Variants in DYTN observed in about 807,000 individuals in gnomAD.
The protein encoded by DYTN is dystrotelin.
DYTN carries 75 observed loss-of-function variants against 69.6 expected under a neutral mutation model. The observed-to-expected ratio is 1.08, with a 90% CI of 0.89 to 1.31. The LOEUF is 1.31. DYTN is among the 50% of genes most tolerant of loss of function. The pLI is 0.00. For missense variants in DYTN, 726 were observed against 688.4 expected (o/e 1.05, Z -0.61); for synonymous variants, 252 against 249.1 (o/e 1.01, Z -0.11).
chr2:206,707,840 C>A (rs546140168), intron 2 of DYTN, among the ~76,000 whole-genome samples: 1 of 152,170 alleles, frequency 6.6e-6, no homozygotes, highest in South Asian at 2.1e-4. Context: ...AAAGTTATGA[C>A]ACTGTGGTAA....
Position 206,657,750 on chromosome 2 carries a change from A to G in DYTN, c.1633+5153T>C, listed in dbSNP as rs79557796. 5.2e-3 allele frequency among the ~76,000 whole-genome samples: 786 copies of G among 152,302 alleles called. 4 individuals are homozygous for G. The highest frequency in any genetic ancestry group is 0.021 in the South Asian group (101 of 4,824). ...TATAATCTTATAAGGGTTTCTTTCT[A>G]CATGATAAGTCACTTTTCTCTTGCT... On this transcript the variant is annotated intron_variant, in intron 11 of 11. Coordinates refer to ENST00000452335, the MANE Select transcript of DYTN (RefSeq NM_001093730.1).
rs373859792 is a variant in DYTN, at chr2:206,707,283, G to A, written c.296+19C>T. On this transcript the variant is annotated intron_variant, in intron 3 of 11. Coordinates refer to ENST00000452335, the MANE Select transcript of DYTN (RefSeq NM_001093730.1). The stretch of plus-strand genomic sequence containing the variant: ...TAAACTTTGCCTTTGAGGTCACAGC[G>A]CGACGTCCACACCCTCACCTGTTGT... 54 of 1,606,182 alleles carry A rather than the reference G, an allele frequency of 3.4e-5. No homozygotes were observed. The highest frequency in any genetic ancestry group is 4.5e-5 in the Non-Finnish European group (53 of 1,176,536).
chr2:206,705,769 G>T lies in DYTN; in HGVS notation c.382+19C>A. The T allele has an allele frequency of 6.2e-7, 1 of 1,611,226 alleles. No homozygotes were observed. The highest frequency in any genetic ancestry group is 1.1e-5 in the South Asian group (1 of 90,478). ...GGGCTCACTGCACTTTAGGACACCC[G>T]CAGTCCTCTGCATGTTACCTCGGTA... On this transcript the variant is annotated intron_variant, in intron 4 of 11. Transcript: ENST00000452335.
intron 9 of DYTN, among the ~76,000 whole-genome samples, chr2:206,683,339 CTT>C (rs10531348): frequency 4.4e-4 from 49 of 111,938 alleles, no homozygotes; most frequent in South Asian, 1.7e-3. Context: ...TTTACTTTTT[CTT>C]TTTTTTTTTT....
chr2:206,688,447 A>G (rs1459358787), intron 9 of DYTN, among the ~76,000 whole-genome samples: 1 of 152,214 alleles, frequency 6.6e-6, no homozygotes, highest in African/African-American at 2.4e-5. Context: ...ATAAAAAAAC[A>G]AGACACAAAA....
chr2:206,662,274 A>G lies in DYTN; in HGVS notation c.1633+629T>C, dbSNP rs148401479. ...ATACTGAATGCATTTTCTACCTAAC[A>G]ATATTTTCAACTTACATTGCATTTA... On this transcript the variant is annotated intron_variant, in intron 11 of 11. Transcript: ENST00000452335. Among the ~76,000 whole-genome samples, 74 of 152,332 alleles carry G rather than the reference A, an allele frequency of 4.9e-4. No homozygotes were observed. The East Asian group carries it at 0.013, about 27-fold the overall frequency.
At chr2:206,664,449 G>A (rs1375332751) in intron 10 of DYTN, among the ~76,000 whole-genome samples, 1 of 152,108 alleles carries the variant, frequency 6.6e-6, no homozygotes, top group Non-Finnish European at 1.5e-5. Flanking sequence ...TTGAGGCCAG[G>A]AGTTCAAGAC....
At chr2:206,703,206 G>A (rs1266217575) in intron 5 of DYTN, among the ~76,000 whole-genome samples, 1 of 152,156 alleles carries the variant, frequency 6.6e-6, no homozygotes, top group Non-Finnish European at 1.5e-5. Flanking sequence ...CAAGTAGTCA[G>A]GAGAGCACAA....
At chr2:206,702,227 T>C (rs1399730658) in intron 5 of DYTN, among the ~76,000 whole-genome samples, 1 of 152,228 alleles carries the variant, frequency 6.6e-6, no homozygotes, top group African/African-American at 2.4e-5. Flanking sequence ...ATCATCTATA[T>C]GCACAGATAC....
chr2:206,679,173 T>A (rs1228262106), intron 9 of DYTN: 2 of 152,310 alleles, frequency 1.3e-5, no homozygotes, highest in East Asian at 3.9e-4. Flanking sequence ...GGAGACGCTA[T>A]TACTGAGTTT....
intron 9 of DYTN, among the ~76,000 whole-genome samples, chr2:206,671,085 T>C (rs903071380): frequency 2.0e-5 from 3 of 152,192 alleles, no homozygotes; most frequent in Non-Finnish European, 4.4e-5. Context: ...CATCACACTC[T>C]GCGCCCTGAA....
At chr2:206,674,861 G>A (rs1181815497) in intron 9 of DYTN, among the ~76,000 whole-genome samples, 1 of 151,844 alleles carries the variant, frequency 6.6e-6, no homozygotes, top group African/African-American at 2.4e-5. Flanking sequence ...CCCCAAAAAA[G>A]TTTTAAAAAC....
rs1329187384 is a variant in DYTN at position 206,663,229 on chromosome 2, A to G, written c.1307T>C (p.Val436Ala). 1.2e-6 allele frequency: 2 copies of G among 1,613,936 alleles called. No homozygotes were observed. Among genetic ancestry groups the G allele is most frequent in the South Asian group, 1.1e-5 (1 of 91,064 alleles). ...TGEPLPKLDE[V>A]DRSHRSHTNA... ...TGTGTGACTTCTGTGACTTCTGTCA[A>G]CCTCATCAAGCTTAGGAAGAGGTTC... Residue 436 changes from valine to alanine, a missense_variant, in exon 11 of 12, where the codon GTT (valine) becomes GCT (alanine). By Grantham distance (64) the Val-to-Ala change is moderately conservative. Coordinates refer to ENST00000452335, the MANE Select transcript of DYTN (RefSeq NM_001093730.1).
intron 9 of DYTN, among the ~76,000 whole-genome samples, chr2:206,691,611 T>A (rs1699863691): frequency 6.6e-6 from 1 of 152,154 alleles, no homozygotes; most frequent in Non-Finnish European, 1.5e-5. Flanking sequence ...AAATTTAAAT[T>A]CTATGTGCAA....
At chr2:206,676,267 T>C (rs1003469695) in intron 9 of DYTN, among the ~76,000 whole-genome samples, 6 of 152,196 alleles carry the variant, frequency 3.9e-5, no homozygotes, top group Non-Finnish European at 5.9e-5. Context: ...AATGAGTTCA[T>C]GTCCTTTGCA....
intron 1 of DYTN, among the ~76,000 whole-genome samples, chr2:206,713,324 G>C (rs1395957898): frequency 1.3e-5 from 2 of 152,182 alleles, no homozygotes; most frequent in East Asian, 3.8e-4. Flanking sequence ...ATGCTGTACA[G>C]TAGATCTCTT....
chr2:206,675,854 G>A (rs547496109), intron 9 of DYTN, among the ~76,000 whole-genome samples: 5 of 152,264 alleles, frequency 3.3e-5, no homozygotes, highest in African/African-American at 1.2e-4. Context: ...GGTCGTTAGA[G>A]AAAAGCAAAT....
intron 11 of DYTN, among the ~76,000 whole-genome samples, chr2:206,655,599 T>C (rs1374539930): frequency 2.0e-5 from 3 of 151,282 alleles, no homozygotes; most frequent in Middle Eastern, 3.2e-3. Flanking sequence ...TTTTTTTTTT[T>C]TTTTTGTAGA....
rs1343946424 is a variant in DYTN at position 206,699,820 on chromosome 2, C to T, written c.626G>A (p.Trp209Ter). ...TGATAACCGGTGGCAGGTCGGGAGC[C>T]ACAGGAGGATGGGAGGCTCAGATTG... is the stretch of plus-strand genomic sequence containing the variant. Reference protein sequence around the residue: ...WVQSEPPILLWLPTCHRLSAA... With the variant: ...WVQSEPPILL The change falls in exon 7 of 12, where the codon TGG (tryptophan) becomes TAG (stop). Residue 209 changes from tryptophan to a stop codon, truncating the protein, a stop_gained. Coordinates refer to ENST00000452335, the MANE Select transcript of DYTN (RefSeq NM_001093730.1). LOFTEE classifies it high-confidence loss of function. The T allele has an allele frequency of 1.2e-6, 2 of 1,613,818 alleles. No individual in the cohort carries two copies. Among genetic ancestry groups the T allele is most frequent in the East Asian group, 4.5e-5 (2 of 44,850 alleles).
Sources: gnomAD v4.1 joint callset for allele counts (sites outside exome capture counted in the v4.1 genomes callset) on GRCh38, gnomAD v4.1.1 for gene constraint, MANE v1.5 for transcripts, NCBI Gene and HGNC (gene_info 2026-07-23, HGNC 2026-07-21) for gene names.